Variants in NMBR observed in about 807,000 individuals in gnomAD.
NMBR encodes neuromedin B receptor, also known as neuromedin-B receptor.
A neutral mutation model predicts 20.5 loss-of-function variants in NMBR; 16 were observed. That is an observed-to-expected ratio of 0.78 (90% confidence interval 0.53 to 1.19). The LOEUF (loss-of-function observed/expected upper bound fraction) is 1.19, where lower values mean the gene tolerates loss of function less well. Among genes scored for constraint, NMBR ranks in the 50% most tolerant of loss-of-function variants. The pLI is 0.00. For synonymous variants in NMBR, 212 were observed against 196.6 expected (o/e 1.08, Z -0.65); for missense variants, 582 against 499.1 (o/e 1.17, Z -1.58).
intron 2 of NMBR, among the ~76,000 whole-genome samples, chr6:142,085,483 C>G (rs931567603): frequency 6.6e-6 from 1 of 152,064 alleles, no homozygotes; most frequent in Non-Finnish European, 1.5e-5. Flanking sequence ...GAGATCGCAC[C>G]CCTACACTCC....
chr6:142,084,476 A>G (rs112472679), intron 2 of NMBR, among the ~76,000 whole-genome samples: 1 of 152,170 alleles, frequency 6.6e-6, no homozygotes, highest in African/African-American at 2.4e-5. Flanking sequence ...CATTAAACTA[A>G]TATTAGTTTA....
rs113011573 is a variant in NMBR at position 142,135,764 on chromosome 6, C to T, written c.-664+11280G>A. Among the ~76,000 whole-genome samples the T allele has an allele frequency of 6.7e-3, 1,020 of 151,444 alleles. 14 individuals are homozygous for T. Among genetic ancestry groups the T allele is most frequent in the African/African-American group, 0.024 (972 of 41,236 alleles). On this transcript the variant is annotated intron_variant, in intron 1 of 3. Transcript: ENST00000258042. ...TGCGGTGTTTGGTTTTTTGTCCTTG[C>T]GATAGTTTACTGAGAATGATGATTT... is the stretch of plus-strand genomic sequence containing the variant.
At chr6:142,076,802 C>T (rs1307131982) in intron 3 of NMBR, among the ~76,000 whole-genome samples, 2 of 152,080 alleles carry the variant, frequency 1.3e-5, no homozygotes, top group Non-Finnish European at 2.9e-5. Context: ...TGTTTAAATA[C>T]TTAATTAAAC....
chr6:142,127,696 C>T (rs917884255), intron 1 of NMBR, among the ~76,000 whole-genome samples: 10 of 151,412 alleles, frequency 6.6e-5, no homozygotes, highest in African/African-American at 9.7e-5. Context: ...ACAAGTCTTT[C>T]GCCTCTTTGG....
At position 142,076,455 on chromosome 6, in the gene NMBR, T is replaced by C. The variant is rs9484595; in HGVS notation, c.772-406A>G. ...TTTAAAAAAATCAGGGTGTTTTAAA[T>C]AGGAAAAACTGATCTGATGAAGCAG... On this transcript the variant is annotated intron_variant, in intron 3 of 3. Transcript: ENST00000258042. Among the ~76,000 whole-genome samples, 392 of 152,234 alleles carry C rather than the reference T, an allele frequency of 2.6e-3. 2 individuals carry two copies. Among genetic ancestry groups the C allele is most frequent in the African/African-American group, 7.7e-3 (322 of 41,562 alleles).
intron 1 of NMBR, among the ~76,000 whole-genome samples, chr6:142,140,551 C>T (rs1191063255): frequency 6.6e-6 from 1 of 152,056 alleles, no homozygotes; most frequent in Admixed American, 6.6e-5. Context: ...TGGAACCAAA[C>T]CCAAACATAT....
intron 1 of NMBR, among the ~76,000 whole-genome samples, chr6:142,130,218 A>G (rs1417877431): frequency 6.6e-6 from 1 of 152,140 alleles, no homozygotes; most frequent in Non-Finnish European, 1.5e-5. Context: ...TCAGCAATCA[A>G]TCTACATTAC....
At chr6:142,081,627 G>A (rs566473197) in intron 2 of NMBR, among the ~76,000 whole-genome samples, 3 of 152,130 alleles carry the variant, frequency 2.0e-5, no homozygotes, top group Non-Finnish European at 2.9e-5. Flanking sequence ...TACAATTGTC[G>A]AAGAAAAATG....
chr6:142,088,828 A>AG lies in NMBR; in HGVS notation c.-171dup, dbSNP rs1777259746. On this transcript the variant is annotated 5_prime_UTR_variant, in exon 2 of 4. Transcript: ENST00000258042. Reference sequence around the variant, plus strand: ...GTCCCTAAGAGTTCAGGACCTGGGGAGGGGTCTGTCCACACACTCGGGCGC... The same window carrying AG: ...GTCCCTAAGAGTTCAGGACCTGGGGAGGGGGTCTGTCCACACACTCGGGCGC... 2 of 607,704 alleles carry AG rather than the reference A, an allele frequency of 3.3e-6. No individual in the cohort carries two copies. Among genetic ancestry groups the AG allele is most frequent in the Non-Finnish European group, 5.7e-6 (2 of 349,838 alleles). 37.6% of individuals were successfully genotyped at this position (607,704 alleles called of 1,614,324 possible). A position where few individuals can be genotyped will look rare whatever the true frequency, so the allele number is the denominator to read the frequency against.
At position 142,074,931 on chromosome 6, in the gene NMBR, C is replaced by T. The variant is rs1293976190; in HGVS notation, c.*717G>A. On this transcript the variant is annotated 3_prime_UTR_variant, in exon 4 of 4. Coordinates refer to ENST00000258042, the MANE Select transcript of NMBR (RefSeq NM_002511.4). ...ATTTTATAATTCATAATATTAATTT[C>T]ATTATATCTGTTAATCACATACTTA... is the stretch of plus-strand genomic sequence containing the variant. Among the ~76,000 whole-genome samples the T allele has an allele frequency of 6.6e-6, 1 of 151,806 alleles. No homozygotes were observed. The highest frequency in any genetic ancestry group is 1.5e-5 in the Non-Finnish European group (1 of 67,944).
intron 1 of NMBR, among the ~76,000 whole-genome samples, chr6:142,137,594 C>A (rs1049727702): frequency 1.3e-5 from 2 of 152,140 alleles, no homozygotes; most frequent in Non-Finnish European, 2.9e-5. Context: ...GGGAATGCTT[C>A]CAGTTTTTGC....
chr6:142,131,047 G>A (rs1778132653), intron 1 of NMBR, among the ~76,000 whole-genome samples: 1 of 152,100 alleles, frequency 6.6e-6, no homozygotes, highest in Non-Finnish European at 1.5e-5. Context: ...AGTGTCTACT[G>A]TAGTCATCCT....
chr6:142,095,845 A>G (rs1272012849), intron 1 of NMBR, among the ~76,000 whole-genome samples: 3 of 152,158 alleles, frequency 2.0e-5, no homozygotes, highest in Non-Finnish European at 2.9e-5. Context: ...TTATTGGTCT[A>G]TTCAGAGATC....
rs756441815 is a variant in NMBR, at chr6:142,075,918, G to T, written c.903C>A (p.Gly301=). The change falls in exon 4 of 4, where the codon GGC becomes GGA. Residue 301 remains glycine (G), a synonymous_variant. Transcript: ENST00000258042. Reference sequence around the variant, plus strand: ...GGGCAACTAAGGTGACAATCATGTGGCCTAGAGATGGATCAATCTCATTAT... The same window carrying T: ...GGGCAACTAAGGTGACAATCATGTGTCCTAGAGATGGATCAATCTCATTAT... ...FNYNEIDPSL[G]HMIVTLVARV... 1.9e-6 allele frequency: 3 copies of T among 1,614,070 alleles called. No individual in the cohort carries two copies. Among genetic ancestry groups the T allele is most frequent in the Middle Eastern group, 1.7e-4 (1 of 6,060 alleles).
At position 142,078,734 on chromosome 6, in the gene NMBR, A is replaced by T; in HGVS notation, c.592T>A (p.Cys198Ser). ...SSLDNSSFTA[C>S]IPYPQTDELH... ...TCATCTGTTTGAGGGTATGGGATAC[A>T]TGCTGTGAAGCTGCTATTATCCAAG... Residue 198 changes from cysteine (C) to serine (S), a missense_variant, in exon 3 of 4, where the codon TGT (cysteine) becomes AGT (serine). Cys to Ser is a moderately radical substitution (Grantham distance 112, BLOSUM62 -1). Transcript: ENST00000258042. 1 of 1,614,100 alleles carries T rather than the reference A, an allele frequency of 6.2e-7. No homozygotes were observed. Among genetic ancestry groups the T allele is most frequent in the Non-Finnish European group, 8.5e-7 (1 of 1,180,024 alleles).
At chr6:142,127,590 C>T (rs1340162694) in intron 1 of NMBR, among the ~76,000 whole-genome samples, 1 of 151,840 alleles carries the variant, frequency 6.6e-6, no homozygotes, top group Non-Finnish European at 1.5e-5. Flanking sequence ...AGTGTGGACA[C>T]TTTAATAATA....
chr6:142,086,703 A>G (rs985415020), intron 2 of NMBR, among the ~76,000 whole-genome samples: 2 of 152,154 alleles, frequency 1.3e-5, no homozygotes, highest in African/African-American at 2.4e-5. Context: ...AAGTCAGTAA[A>G]TATATAAGGA....
At chr6:142,127,480 A>G (rs1053983250) in intron 1 of NMBR, among the ~76,000 whole-genome samples, 4 of 151,870 alleles carry the variant, frequency 2.6e-5, no homozygotes, top group Non-Finnish European at 4.4e-5. Context: ...GATCTTTTGT[A>G]GTTTCATATA....
At chr6:142,118,501 T>A (rs1777889696) in intron 1 of NMBR, among the ~76,000 whole-genome samples, 1 of 152,128 alleles carries the variant, frequency 6.6e-6, no homozygotes, top group Middle Eastern at 3.4e-3. Flanking sequence ...ATGACTAAGT[T>A]GCCTAGAGCT....
Sources: gnomAD v4.1 joint callset for allele counts (sites outside exome capture counted in the v4.1 genomes callset) on GRCh38, gnomAD v4.1.1 for gene constraint, MANE v1.5 for transcripts, NCBI Gene and HGNC (gene_info 2026-07-23, HGNC 2026-07-21) for gene names.